The following ASIC2 variants were observed in gnomAD, a reference collection of about 807,000 sequenced individuals.
The protein encoded by ASIC2 is acid-sensing ion channel 2.
ASIC2 carries 25 observed loss-of-function variants against 57.3 expected under a neutral mutation model. The ratio of observed to expected loss-of-function variants is 0.44; its 90% confidence interval spans 0.32 to 0.61. The LOEUF (loss-of-function observed/expected upper bound fraction) is 0.61. Ranked by LOEUF, ASIC2 falls within the 20% of genes least tolerant of loss-of-function variation. ASIC2 has a pLI of 0.06. For missense variants in ASIC2, 641 were observed against 738.1 expected (o/e 0.87, Z 1.52); for synonymous variants, 319 against 307.5 (o/e 1.04, Z -0.39).
intron 1 of ASIC2, among the ~76,000 whole-genome samples, chr17:33,505,890 A>G (rs1597755556): frequency 6.6e-6 from 1 of 152,198 alleles, no homozygotes; most frequent in East Asian, 1.9e-4. Context: ...ATAACTCATT[A>G]TCATGCATTT....
intron 1 of ASIC2, among the ~76,000 whole-genome samples, chr17:33,333,588 C>A (rs919032752): frequency 3.3e-5 from 5 of 152,166 alleles, no homozygotes; most frequent in African/African-American, 1.2e-4. Flanking sequence ...TGGTGATGAG[C>A]AATTTCTTCC....
At chr17:33,929,846 T>C (rs1348104869) in intron 1 of ASIC2, among the ~76,000 whole-genome samples, 2 of 152,196 alleles carry the variant, frequency 1.3e-5, no homozygotes, top group Non-Finnish European at 2.9e-5. Flanking sequence ...GTAGAAAATA[T>C]ACGATAAAAG....
At chr17:33,295,623 G>T (rs892037173), upstream of ASIC2, among the ~76,000 whole-genome samples, 20 of 152,108 alleles carry the variant, frequency 1.3e-4, no homozygotes, top group African/African-American at 4.8e-4. Flanking sequence ...CTTTCTGCTG[G>T]ACTATGACCC....
chr17:33,989,418 C>CA (rs1905933390), intron 1 of ASIC2, among the ~76,000 whole-genome samples: 7 of 151,944 alleles, frequency 4.6e-5, no homozygotes, highest in Admixed American at 3.9e-4. Flanking sequence ...TGGAAATGGA[C>CA]TAATTTCCAG....
chr17:33,514,317 C>T (rs1258955677), intron 1 of ASIC2, among the ~76,000 whole-genome samples: 5 of 152,190 alleles, frequency 3.3e-5, no homozygotes, highest in Admixed American at 6.5e-5. Context: ...AAATGCACCA[C>T]TGAGAAGCAC....
At chr17:33,662,744 CCCTT>C (rs1162461711) in intron 1 of ASIC2, among the ~76,000 whole-genome samples, 4 of 134,954 alleles carry the variant, frequency 3.0e-5, no homozygotes, top group Admixed American at 7.9e-5. Flanking sequence ...CTCCTTCCCT[CCCTT>C]CCTTCCTTCC....
At chr17:33,427,308 T>G (rs1433843112) in intron 1 of ASIC2, among the ~76,000 whole-genome samples, 3 of 152,218 alleles carry the variant, frequency 2.0e-5, no homozygotes, top group Non-Finnish European at 4.4e-5. Context: ...AACAAAGATT[T>G]GAACAAGTAT....
intron 1 of ASIC2, among the ~76,000 whole-genome samples, chr17:33,707,749 G>T (rs1014587568): frequency 6.6e-6 from 1 of 152,076 alleles, no homozygotes; most frequent in South Asian, 2.1e-4. Context: ...TTAATATCTG[G>T]TATCTTTTCG....
intron 1 of ASIC2, among the ~76,000 whole-genome samples, chr17:33,385,673 G>A (rs913403134): frequency 1.3e-5 from 2 of 152,230 alleles, no homozygotes; most frequent in African/African-American, 2.4e-5. Flanking sequence ...GGAGTGAAAA[G>A]TTCTGCAACT....
At chr17:33,041,514 A>T (rs1245317777) in intron 3 of ASIC2, among the ~76,000 whole-genome samples, 2 of 152,234 alleles carry the variant, frequency 1.3e-5, no homozygotes, top group African/African-American at 4.8e-5. Flanking sequence ...ATGAGCGAGC[A>T]AATGAATGAA....
intron 1 of ASIC2, among the ~76,000 whole-genome samples, chr17:33,777,496 C>T (rs1476032808): frequency 6.6e-6 from 1 of 151,916 alleles, no homozygotes; most frequent in Non-Finnish European, 1.5e-5. Flanking sequence ...AAGGAAAGTC[C>T]CCACCTCCCT....
At chr17:33,809,580 C>T (rs896832892) in intron 1 of ASIC2, among the ~76,000 whole-genome samples, 1 of 152,204 alleles carries the variant, frequency 6.6e-6, no homozygotes, top group Non-Finnish European at 1.5e-5. Context: ...AACTGATACA[C>T]GTATCCTTAG....
chr17:34,031,737 C>A (rs12453380), intron 1 of ASIC2, among the ~76,000 whole-genome samples: 2 of 151,900 alleles, frequency 1.3e-5, no homozygotes, highest in Non-Finnish European at 2.9e-5. Flanking sequence ...GTAGCCAATG[C>A]GATCAACTGG....
At chr17:33,462,811 T>C (rs987165501) in intron 1 of ASIC2, among the ~76,000 whole-genome samples, 3 of 152,206 alleles carry the variant, frequency 2.0e-5, no homozygotes, top group African/African-American at 7.2e-5. Flanking sequence ...TGAATGCCCA[T>C]ATGATATGTA....
At chr17:33,900,624 T>TG (rs11404105) in intron 1 of ASIC2, among the ~76,000 whole-genome samples, 149,849 of 152,348 alleles carry the variant, frequency 0.98, 73,786 homozygotes, top group Middle Eastern at 1. Flanking sequence ...ACCTCACAAC[T>TG]CAATGCTTAG....
intron 1 of ASIC2, among the ~76,000 whole-genome samples, chr17:33,113,785 G>A (rs968702650): frequency 6.6e-6 from 1 of 152,194 alleles, no homozygotes; most frequent in South Asian, 2.1e-4. Flanking sequence ...GGAAACCAAG[G>A]CCCAGAGAGG....
At chr17:34,008,848 C>G (rs1205811695) in intron 1 of ASIC2, among the ~76,000 whole-genome samples, 1 of 152,150 alleles carries the variant, frequency 6.6e-6, no homozygotes, top group Non-Finnish European at 1.5e-5. Flanking sequence ...AGAACATGTG[C>G]ATTTGTTTTT....
In ASIC2 at chr17:33,121,607, C is replaced by T. The variant is rs528037879; in HGVS notation, c.709-9540G>A. 4.6e-5 allele frequency among the ~76,000 whole-genome samples: 7 copies of T among 152,304 alleles called. No homozygotes were observed. The South Asian group carries it at 1.2e-3, about 27-fold the overall frequency. On this transcript the variant is annotated intron_variant, in intron 1 of 9. Transcript: ENST00000225823. ...GGTGCCAGTCCATGCTTCTGGCTAC[C>T]TGCTGAGCCCTGCCTATCTGCTCAT... is the stretch of plus-strand genomic sequence containing the variant.
rs896126435 is a variant in ASIC2, at chr17:33,291,730, G to C, written c.386C>G (p.Pro129Arg). 12 of 1,613,214 alleles carry C rather than the reference G, an allele frequency of 7.4e-6. No individual in the cohort carries two copies. Among genetic ancestry groups the C allele is most frequent in the Non-Finnish European group, 1.0e-5 (12 of 1,179,862 alleles). ...GTTGCACACAGTGACGGCGGGGAAG[G>C]GTAACTGGCGGCTCCACTCGCGGTG... Reference protein sequence around the residue: ...RVHREWSRQLPFPAVTVCNNN... With the variant: ...RVHREWSRQLRFPAVTVCNNN... The change falls in exon 1 of 10, where the codon CCC (proline) becomes CGC (arginine). Residue 129 changes from proline to arginine, a missense_variant. This residue lies in a region of ASIC2 where 382 missense variants were observed against 398.0 expected (regional missense o/e 0.96). Coordinates refer to ENST00000225823, the MANE Select transcript of ASIC2 (RefSeq NM_183377.2).
Sources: gnomAD v4.1 joint callset for allele counts (sites outside exome capture counted in the v4.1 genomes callset) on GRCh38, gnomAD v4.1.1 for gene constraint, gnomAD v4.1.1 regional missense constraint, MANE v1.5 for transcripts, NCBI Gene and HGNC (gene_info 2026-07-23, HGNC 2026-07-21) for gene names.